GSE1: variants seen among roughly 807,000 people sequenced by gnomAD.
GSE1 encodes genetic suppressor element 1.
A neutral mutation model predicts 112.6 loss-of-function variants in GSE1; 32 were observed. The observed-to-expected ratio is 0.28, with a 90% CI of 0.21 to 0.38. The LOEUF (loss-of-function observed/expected upper bound fraction) is 0.38, where lower values mean the gene tolerates loss of function less well. GSE1 is among the 10% of genes least tolerant of loss of function. GSE1 has a pLI of 1.00. For missense variants in GSE1, 2,348 were observed against 1,699.2 expected (o/e 1.38, Z -6.71); for synonymous variants, 1,115 against 735.6 (o/e 1.52, Z -8.35).
chr16:85,564,564 C>G (rs1246906714), intron 1 of GSE1, among the ~76,000 whole-genome samples: 1 of 152,154 alleles, frequency 6.6e-6, no homozygotes, highest in Non-Finnish European at 1.5e-5. Flanking sequence ...CCTTTCTACT[C>G]TGGGGAAACC....
intron 1 of GSE1, among the ~76,000 whole-genome samples, chr16:85,259,401 T>G (rs1162614646): frequency 1.3e-5 from 2 of 152,250 alleles, no homozygotes; most frequent in Admixed American, 6.5e-5. Flanking sequence ...TGAAGACTTG[T>G]TTTTTGTGTA....
upstream of GSE1, among the ~76,000 whole-genome samples, chr16:85,553,564 T>A (rs1230902876): frequency 6.6e-6 from 1 of 151,896 alleles, no homozygotes; most frequent in Non-Finnish European, 1.5e-5. Flanking sequence ...AGCAGCGAGC[T>A]TGGGGACTCA....
chr16:85,657,757 G>A (rs948117327), intron 8 of GSE1, among the ~76,000 whole-genome samples, 153 bp downstream of exon 8: 1 of 152,224 alleles, frequency 6.6e-6, no homozygotes, highest in Non-Finnish European at 1.5e-5. Context: ...TATAATGCCT[G>A]TCTTGCCTAT....
intron 2 of GSE1, among the ~76,000 whole-genome samples, chr16:85,644,431 C>T (rs1387878749): frequency 6.6e-5 from 10 of 151,764 alleles, no homozygotes; most frequent in Non-Finnish European, 1.2e-4. Context: ...AGCTGAGGGA[C>T]GGACCAGTAA....
chr16:85,217,792 T>C (rs1000445219), intron 1 of GSE1, among the ~76,000 whole-genome samples: 2 of 152,174 alleles, frequency 1.3e-5, no homozygotes, highest in African/African-American at 4.8e-5. Flanking sequence ...CCCCGAATCC[T>C]CTTCCTCCTG....
intron 2 of GSE1, among the ~76,000 whole-genome samples, chr16:85,640,583 TGAGTGGGGACTACGTGTGC>T (rs1473086484): frequency 6.6e-6 from 1 of 151,968 alleles, no homozygotes; most frequent in African/African-American, 2.4e-5. Context: ...CCCACCTGAG[TGAGTGGGGACTACGTGTGC>T]GGGGACCACG....
chr16:85,579,531 C>G (rs1598262654), intron 1 of GSE1, among the ~76,000 whole-genome samples: 1 of 152,330 alleles, frequency 6.6e-6, no homozygotes, highest in East Asian at 1.9e-4. Flanking sequence ...ACAGGCCGGG[C>G]AGGCAGGTCA....
rs1335811840 is a variant in GSE1, at chr16:85,569,663, A to AG, written c.37+13301dup. 5.3e-5 allele frequency among the ~76,000 whole-genome samples: 8 copies of AG among 152,198 alleles called. No homozygotes were observed. In the East Asian group the frequency reaches 1.5e-3, roughly 29 times the overall value. On this transcript the variant is annotated intron_variant, in intron 1 of 2. Transcript: ENST00000635906. ...AGCGCAGGACCTCCTGGGACTCCCT[A>AG]GCTCAGTGCCAGCACACACGGGTAT...
At chr16:85,497,731 G>T (rs1030294722) in intron 2 of GSE1, among the ~76,000 whole-genome samples, 1 of 152,118 alleles carries the variant, frequency 6.6e-6, no homozygotes, top group African/African-American at 2.4e-5. Context: ...ACAACTTCTT[G>T]GGGGACACAA....
chr16:85,459,464 G>A (rs1249197362), intron 2 of GSE1, among the ~76,000 whole-genome samples: 1 of 152,234 alleles, frequency 6.6e-6, no homozygotes, highest in Non-Finnish European at 1.5e-5. Flanking sequence ...ATACTTGGCA[G>A]CCCTTTTCCC....
At chr16:85,523,916 G>A (rs532539408) in intron 2 of GSE1, among the ~76,000 whole-genome samples, 9 of 152,330 alleles carry the variant, frequency 5.9e-5, no homozygotes, top group Non-Finnish European at 1.0e-4. Context: ...GTGGGAGGGC[G>A]CAGGAGGGGG....
intron 1 of GSE1, among the ~76,000 whole-genome samples, chr16:85,560,655 G>T (rs1186604063): frequency 6.6e-6 from 1 of 152,040 alleles, no homozygotes; most frequent in Non-Finnish European, 1.5e-5. Context: ...CAAATGGGGC[G>T]ACTGGGAAAT....
rs371045286 is a variant in GSE1 at position 85,231,075 on chromosome 16, G to GGGAC, written c.2283+59271_2283+59272insCGGA. Among the ~76,000 whole-genome samples, 110 of 123,922 alleles carry GGGAC rather than the reference G, an allele frequency of 8.9e-4. 4 individuals are homozygous for GGGAC. The highest frequency in any genetic ancestry group is 3.3e-3 in the African/African-American group (101 of 30,882). The allele number at this position is 123,922 out of a possible 152,430, so 81.3% of individuals were successfully genotyped here. Reference sequence around the variant, plus strand: ...GATGATGGATGGATAGCTGGACAGAGGGATGGATGGATGGATGGATGGACA... The same window carrying GGGAC: ...GATGATGGATGGATAGCTGGACAGAGGGACGGATGGATGGATGGATGGATGGACA... On this transcript the variant is annotated intron_variant, in intron 1 of 2. Coordinates refer to the GSE1 transcript ENST00000637419.
intron 1 of GSE1, among the ~76,000 whole-genome samples, chr16:85,575,215 AGGGCAGGCAGG>A (rs1163324227): frequency 6.6e-6 from 1 of 152,226 alleles, no homozygotes; most frequent in African/African-American, 2.4e-5. Flanking sequence ...CCACAGGGCC[AGGGCAGGCAGG>A]TGGCAGCCAC....
At chr16:85,519,024 A>G (rs576906410) in intron 2 of GSE1, among the ~76,000 whole-genome samples, 2 of 152,164 alleles carry the variant, frequency 1.3e-5, no homozygotes, top group South Asian at 2.1e-4. Flanking sequence ...CGCCTCCCTC[A>G]CCATGTATGG....
intron 1 of GSE1, among the ~76,000 whole-genome samples, chr16:85,264,268 A>G (rs1337067092): frequency 1.3e-5 from 2 of 151,952 alleles, no homozygotes. Context: ...CTGGTGTGGA[A>G]TGTGGTATCT....
At chr16:85,291,789 G>A (rs376061821) in intron 1 of GSE1, among the ~76,000 whole-genome samples, 112 of 152,320 alleles carry the variant, frequency 7.4e-4, no homozygotes, top group African/African-American at 2.5e-3. Context: ...CTCTCCGTGG[G>A]GCCCATAACC....
At chr16:85,613,209 G>A, upstream of GSE1, 6 of 1,464,064 alleles carry the variant, frequency 4.1e-6, no homozygotes, top group Non-Finnish European at 9.0e-7. Flanking sequence ...CGTTGCGTTT[G>A]GGTGTGTCCT....
chr16:85,623,630 C>G lies in GSE1; in HGVS notation c.7+10232C>G, dbSNP rs111723498. On this transcript the variant is annotated intron_variant, in intron 1 of 15. Transcript: ENST00000253458. Reference sequence around the variant, plus strand: ...GCTGGCTGAGTGGGATGTGAGGACCCCGGTGCCTGCAGGCAGGCACACTGC... The same window carrying G: ...GCTGGCTGAGTGGGATGTGAGGACCGCGGTGCCTGCAGGCAGGCACACTGC... Among the ~76,000 whole-genome samples the G allele has an allele frequency of 7.7e-3, 1,177 of 152,292 alleles. 11 individuals carry two copies. Among genetic ancestry groups the G allele is most frequent in the Non-Finnish European group, 0.014 (928 of 68,020 alleles).
Sources: allele counts gnomAD v4.1 joint callset (sites outside exome capture counted in the v4.1 genomes callset), GRCh38; gene constraint gnomAD v4.1.1; transcripts MANE v1.5; gene names NCBI Gene and HGNC (gene_info 2026-07-23, HGNC 2026-07-21).